The following USP32 variants were observed in gnomAD, a reference collection of about 807,000 sequenced individuals.
USP32 encodes the protein ubiquitin carboxyl-terminal hydrolase 32.
In USP32, 59 loss-of-function variants were observed where a neutral mutation model predicts 204.8. The ratio of observed to expected loss-of-function variants is 0.29; its 90% CI spans 0.23 to 0.36. The LOEUF (loss-of-function observed/expected upper bound fraction) is 0.36. Ranked by LOEUF, USP32 falls within the 10% of genes least tolerant of loss-of-function variation. The pLI is 1.00. For missense variants in USP32, 1,160 were observed against 1,946.4 expected (o/e 0.60, Z 7.60); for synonymous variants, 517 against 678.4 (o/e 0.76, Z 3.70).
At chr17:60,260,317 T>G (rs564588732) in intron 9 of USP32, among the ~76,000 whole-genome samples, 4 of 152,128 alleles carry the variant, frequency 2.6e-5, no homozygotes, top group African/African-American at 9.6e-5. Context: ...GGTCAGGAGT[T>G]CGAGAGCAGC....
chr17:60,346,936 TCA>T (rs1207392453), intron 1 of USP32, among the ~76,000 whole-genome samples: 1 of 152,052 alleles, frequency 6.6e-6, no homozygotes, highest in African/African-American at 2.4e-5. Flanking sequence ...CAAGACCAAG[TCA>T]CAGAGACTCT....
In USP32 at chr17:60,236,216, C is replaced by T. The variant is rs747742039; in HGVS notation, c.1161G>A (p.Arg387=). The T allele has an allele frequency of 2.5e-6, 4 of 1,613,972 alleles. No homozygotes were observed. Among genetic ancestry groups the T allele is most frequent in the East Asian group, 2.2e-5 (1 of 44,856 alleles). Residue 387 remains arginine, a synonymous_variant, in exon 12 of 34, where the codon AGG becomes AGA. Coordinates refer to ENST00000300896, the MANE Select transcript of USP32 (RefSeq NM_032582.4). ...IIRGWLERES[R]YGLQAGHNWF... is the part of the protein sequence containing the mutation. ...AGTTGTGTCCTGCTTGCAGACCATA[C>T]CTGCTCTCTCGTTCTAACCATCCTC... is the stretch of plus-strand genomic sequence containing the variant.
intron 2 of USP32, among the ~76,000 whole-genome samples, chr17:60,338,837 C>T (rs140773142): frequency 6.6e-6 from 1 of 152,282 alleles, no homozygotes; most frequent in African/African-American, 2.4e-5. Flanking sequence ...AAATTCTGTT[C>T]ATTATTTTAT....
At chr17:60,211,865 C>T (rs1276450995) in intron 19 of USP32, among the ~76,000 whole-genome samples, 159 bp downstream of exon 19, 1 of 151,296 alleles carries the variant, frequency 6.6e-6, no homozygotes, top group Non-Finnish European at 1.5e-5. Context: ...GGTGGGTTTG[C>T]CAACATCAAA....
At chr17:60,356,703 T>G (rs2089087115) in intron 1 of USP32, among the ~76,000 whole-genome samples, 2 of 152,124 alleles carry the variant, frequency 1.3e-5, no homozygotes, top group Non-Finnish European at 2.9e-5. Context: ...GGAATCCAAT[T>G]TCCAGAGCTG....
intron 9 of USP32, among the ~76,000 whole-genome samples, chr17:60,261,297 T>C (rs1448862810): frequency 1.3e-5 from 2 of 152,178 alleles, no homozygotes; most frequent in Non-Finnish European, 2.9e-5. Flanking sequence ...CTATTAATTT[T>C]ATTGTTTGAA....
intron 30 of USP32, 96 bp downstream of exon 30, chr17:60,185,364 G>C (rs2084224133): frequency 2.8e-6 from 4 of 1,408,888 alleles, no homozygotes. Context: ...TGCAGGAAAG[G>C]TCTTATTCTC....
intron 1 of USP32, among the ~76,000 whole-genome samples, chr17:60,368,524 G>A (rs952689382): frequency 6.6e-6 from 1 of 152,014 alleles, no homozygotes; most frequent in African/African-American, 2.4e-5. Flanking sequence ...CATTGCGGTT[G>A]GGGGGCGGGG....
chr17:60,392,161 T>G, upstream of USP32: 1 of 494,788 alleles, frequency 2.0e-6, no homozygotes, highest in East Asian at 3.9e-5. Context: ...CCCCTTCCCC[T>G]GCCTCCTACT....
chr17:60,370,953 C>T (rs1032568997), intron 1 of USP32, among the ~76,000 whole-genome samples: 2 of 151,548 alleles, frequency 1.3e-5, no homozygotes, highest in Non-Finnish European at 2.9e-5. Flanking sequence ...AGTAGCAAGG[C>T]ATGGTGGCTC....
intron 1 of USP32, among the ~76,000 whole-genome samples, chr17:60,365,744 T>C (rs989422138): frequency 1.3e-5 from 2 of 152,082 alleles, no homozygotes; most frequent in Non-Finnish European, 2.9e-5. Context: ...AGATAAACCA[T>C]TTTTATAAAT....
In USP32 at chr17:60,214,791, C is replaced by T. The variant is rs2085059848; in HGVS notation, c.1868-17G>A. On this transcript the variant is annotated splice_polypyrimidine_tract_variant and intron_variant, in intron 16 of 33. Coordinates refer to ENST00000300896, the MANE Select transcript of USP32 (RefSeq NM_032582.4). The stretch of plus-strand genomic sequence containing the variant: ...GTACATTTCCTATGGTTACAGTAAT[C>T]ACAGTAAGAAAAAAGGCAGATGTGA... The T allele has an allele frequency of 6.2e-7, 1 of 1,613,750 alleles. No individual in the cohort carries two copies. Among genetic ancestry groups the T allele is most frequent in the Non-Finnish European group, 8.5e-7 (1 of 1,179,864 alleles).
At chr17:60,338,047 G>C (rs1483268521) in intron 2 of USP32, among the ~76,000 whole-genome samples, 1 of 152,222 alleles carries the variant, frequency 6.6e-6, no homozygotes. Context: ...ACGCAGGCAA[G>C]GCGTGGTGGC....
chr17:60,255,383 G>A (rs994077834), intron 9 of USP32, 125 bp from the exon 10 acceptor site: 7 of 620,092 alleles, frequency 1.1e-5, no homozygotes, highest in African/African-American at 7.9e-5. Context: ...CTGAAACCTC[G>A]GCCTCCTGGG....
At chr17:60,347,810 T>C (rs2088826269) in intron 1 of USP32, among the ~76,000 whole-genome samples, 1 of 151,362 alleles carries the variant, frequency 6.6e-6, no homozygotes, top group South Asian at 2.1e-4. Context: ...TGTTATTATG[T>C]AGACAGAGAA....
chr17:60,285,756 G>A lies in USP32; in HGVS notation c.571+2767C>T, dbSNP rs528529395. 1.4e-4 allele frequency among the ~76,000 whole-genome samples: 22 copies of A among 152,200 alleles called. No homozygotes were observed. In the South Asian group the frequency reaches 3.3e-3, roughly 23 times the overall value. ...CAAGAAAAGGTTTCATGAAAAAGAG[G>A]GTATGTGATTTAAGTCTTCATGGAT... On this transcript the variant is annotated intron_variant, in intron 5 of 33. Transcript: ENST00000300896.
At chr17:60,211,929 A>G in intron 19 of USP32, 95 bp downstream of exon 19, 5 of 1,143,876 alleles carry the variant, frequency 4.4e-6, no homozygotes, top group Non-Finnish European at 6.1e-6. Context: ...TTTGAACTAG[A>G]AAACCAAAAG....
chr17:60,384,910 C>T (rs970873322), intron 1 of USP32, among the ~76,000 whole-genome samples: 2 of 152,110 alleles, frequency 1.3e-5, no homozygotes, highest in Non-Finnish European at 2.9e-5. Flanking sequence ...GAGTTCAACA[C>T]CAGCCTGGAC....
At chr17:60,342,409 T>C (rs1598266621) in intron 2 of USP32, among the ~76,000 whole-genome samples, 1 of 152,230 alleles carries the variant, frequency 6.6e-6, no homozygotes, top group South Asian at 2.1e-4. Context: ...AGACAGTCTG[T>C]CCGTTCTCAG....
Sources: gnomAD v4.1 joint callset for allele counts (sites outside exome capture counted in the v4.1 genomes callset) on GRCh38, gnomAD v4.1.1 for gene constraint, MANE v1.5 for transcripts, NCBI Gene and HGNC (gene_info 2026-07-23, HGNC 2026-07-21) for gene names.